The following CC2D2B variants were observed in gnomAD, a reference collection of about 807,000 sequenced individuals.
CC2D2B encodes the protein coiled-coil and C2 domain containing 2B.
A neutral mutation model predicts 161.2 loss-of-function variants in CC2D2B; 128 were observed. The ratio of observed to expected loss-of-function variants is 0.79; its 90% CI spans 0.69 to 0.92. The LOEUF (loss-of-function observed/expected upper bound fraction) is 0.92, where lower values mean the gene tolerates loss of function less well. CC2D2B is among the 40% of genes least tolerant of loss of function. CC2D2B has a pLI of 0.00. For missense variants in CC2D2B, 1,173 were observed against 1,375.1 expected, an observed-to-expected ratio of 0.85 and a Z score of 2.32; for synonymous variants, 391 against 449.8, an observed-to-expected ratio of 0.87 and a Z score of 1.65.
At chr10:95,962,752 T>C (rs10219085) in intron 12 of CC2D2B, among the ~76,000 whole-genome samples, 86,481 of 148,980 alleles carry the variant, frequency 0.58, 25,682 homozygotes, top group Admixed American at 0.66. Flanking sequence ...TTTTTTTTTC[T>C]TGCTGCAGTA....
intron 34 of CC2D2B, among the ~76,000 whole-genome samples, chr10:96,028,734 T>C (rs991425351): frequency 6.6e-6 from 1 of 152,168 alleles, no homozygotes; most frequent in African/African-American, 2.4e-5. Context: ...TAAGTGTCCA[T>C]CAATAGATGA....
At chr10:96,001,051 C>T (rs1307990123) in intron 24 of CC2D2B, among the ~76,000 whole-genome samples, 1 of 152,052 alleles carries the variant, frequency 6.6e-6, no homozygotes, top group East Asian at 1.9e-4. Context: ...CACCTATGTT[C>T]CTGCTTGCTA....
chr10:95,909,968 G>A (rs1380905949), intron 1 of CC2D2B, among the ~76,000 whole-genome samples: 1 of 152,140 alleles, frequency 6.6e-6, no homozygotes, highest in African/African-American at 2.4e-5. Context: ...GCAACACAGC[G>A]AGACCCTGTC....
At chr10:95,937,949 A>G (rs1487325699) in intron 6 of CC2D2B, 42 bp from the exon 7 acceptor site, 2 of 1,158,384 alleles carry the variant, frequency 1.7e-6, no homozygotes, top group East Asian at 5.1e-5. Flanking sequence ...TAATCATTGG[A>G]GACAAGCATG....
chr10:95,941,612 A>G (rs1222263605), intron 9 of CC2D2B, among the ~76,000 whole-genome samples: 1 of 152,196 alleles, frequency 6.6e-6, no homozygotes, highest in Non-Finnish European at 1.5e-5. Flanking sequence ...TGTCAGAGAA[A>G]TGCAAATCAA....
rs116033767 is a variant in CC2D2B, at chr10:96,007,861, T to G, written c.2947-1964T>G. Among the ~76,000 whole-genome samples, 1,022 of 152,228 alleles carry G rather than the reference T, an allele frequency of 6.7e-3. 13 individuals are homozygous for G. The highest frequency in any genetic ancestry group is 0.023 in the African/African-American group (961 of 41,544). Reference sequence around the variant, plus strand: ...GGTGGTAGTGAATGCCAATCCCTTTTATGCCTAATCCCTGCTTCTCCCTAC... The same window carrying G: ...GGTGGTAGTGAATGCCAATCCCTTTGATGCCTAATCCCTGCTTCTCCCTAC... On this transcript the variant is annotated intron_variant, in intron 25 of 34. Coordinates refer to ENST00000646931, the MANE Select transcript of CC2D2B (RefSeq NM_001349008.3).
chr10:96,004,199 A>C lies in CC2D2B; in HGVS notation c.2897A>C (p.Asp966Ala). Residue 966 changes from aspartate to alanine, a missense_variant, in exon 25 of 35, where the codon GAT becomes GCT. By Grantham distance (126) the Asp-to-Ala change is moderately radical (BLOSUM62 -2). This residue lies in a region of CC2D2B where 598 missense variants were observed against 693.2 expected (regional missense o/e 0.86). Transcript: ENST00000646931. ...YSFSSLSKIK[D>A]NIYINIFDEM... ...TTCTCAAGCTTATCTAAAATAAAAG[A>C]TAACATATATATCAACATTTTTGAT... is the stretch of plus-strand genomic sequence containing the variant. 6.4e-7 allele frequency: 1 copy of C among 1,556,402 alleles called. No individual in the cohort carries two copies. Among genetic ancestry groups the C allele is most frequent in the South Asian group, 1.2e-5 (1 of 82,234 alleles).
At chr10:95,947,111 A>ATTT (rs1190951352) in intron 9 of CC2D2B, among the ~76,000 whole-genome samples, 14 of 40,730 alleles carry the variant, frequency 3.4e-4, no homozygotes, top group African/African-American at 1.9e-3. Flanking sequence ...ATATATATAT[A>ATTT]TATTTTTTTT....
At chr10:95,972,248 A>G (rs2077161507) in intron 16 of CC2D2B, 32 bp downstream of exon 16, 4 of 1,222,684 alleles carry the variant, frequency 3.3e-6, no homozygotes, top group Non-Finnish European at 4.1e-6. Flanking sequence ...CATTCCCCCT[A>G]TTTTCTTCCT....
At chr10:95,938,475 G>C (rs1006238951) in intron 7 of CC2D2B, 94 bp from the exon 8 acceptor site, 14 of 613,604 alleles carry the variant, frequency 2.3e-5, no homozygotes, top group Admixed American at 1.6e-4. Flanking sequence ...TTCAGTAGTA[G>C]GGTGTAATTA....
At chr10:95,919,883 CCT>C (rs1321199722) in intron 2 of CC2D2B, 3 of 151,728 alleles carry the variant, frequency 2.0e-5, no homozygotes, top group African/African-American at 7.3e-5. Flanking sequence ...AAAACTAAGT[CCT>C]CTCTGCTTTT....
intron 9 of CC2D2B, among the ~76,000 whole-genome samples, chr10:95,949,658 A>T (rs956797790): frequency 4.1e-4 from 34 of 82,140 alleles, no homozygotes; most frequent in Non-Finnish European, 4.1e-4. Flanking sequence ...AGAGTATAAT[A>T]AAAAAAAAAA....
intron 24 of CC2D2B, among the ~76,000 whole-genome samples, chr10:96,003,652 C>T (rs938041159): frequency 3.4e-5 from 5 of 148,210 alleles, no homozygotes; most frequent in South Asian, 2.1e-4. Context: ...GACAGGGTTT[C>T]GCCATGTTAG....
At chr10:96,004,831 T>G (rs1366692624) in intron 25 of CC2D2B, among the ~76,000 whole-genome samples, 1 of 152,220 alleles carries the variant, frequency 6.6e-6, no homozygotes, top group East Asian at 1.9e-4. Flanking sequence ...GTAGATTAAA[T>G]GCTTTAATAG....
At chr10:95,943,999 T>A (rs2076111066) in intron 9 of CC2D2B, among the ~76,000 whole-genome samples, 1 of 152,180 alleles carries the variant, frequency 6.6e-6, no homozygotes, top group Non-Finnish European at 1.5e-5. Flanking sequence ...GTTTACCTAG[T>A]ATTTTCTCTG....
At chr10:95,967,858 T>C (rs1167929238) in intron 14 of CC2D2B, among the ~76,000 whole-genome samples, 1 of 152,152 alleles carries the variant, frequency 6.6e-6, no homozygotes, top group East Asian at 1.9e-4. Flanking sequence ...AGGGACATAC[T>C]GGGCCCATAG....
chr10:95,994,560 G>T (rs993981446), intron 22 of CC2D2B, among the ~76,000 whole-genome samples: 1 of 152,128 alleles, frequency 6.6e-6, no homozygotes, highest in African/African-American at 2.4e-5. Flanking sequence ...AGTGTTCCCT[G>T]ACTCCTCCAA....
At chr10:96,027,168 G>A (rs2079820380) in intron 33 of CC2D2B, 44 bp from the exon 34 acceptor site, 1 of 1,279,224 alleles carries the variant, frequency 7.8e-7, no homozygotes, top group African/African-American at 1.5e-5. Flanking sequence ...TTTACCAAAT[G>A]AGTTATAACT....
chr10:96,005,933 T>G (rs78892471), intron 25 of CC2D2B, among the ~76,000 whole-genome samples: 4,893 of 152,242 alleles, frequency 0.032, 131 homozygotes, highest in African/African-American at 0.067. Flanking sequence ...ATATAAATTT[T>G]CAGCATAGTC....
Sources: allele counts gnomAD v4.1 joint callset (sites outside exome capture counted in the v4.1 genomes callset), GRCh38; gene constraint gnomAD v4.1.1; regional missense constraint gnomAD v4.1.1; transcripts MANE v1.5; gene names NCBI Gene and HGNC (gene_info 2026-07-23, HGNC 2026-07-21).